The following WDR59 variants were observed in gnomAD, a reference collection of about 807,000 sequenced individuals.
The protein encoded by WDR59 is WD repeat domain 59.
Under a neutral mutation model 131.2 loss-of-function variants are expected in WDR59, and 100 were observed. The observed-to-expected ratio is 0.76, with a 90% confidence interval of 0.65 to 0.90. The LOEUF (loss-of-function observed/expected upper bound fraction) is 0.90, where lower values mean the gene tolerates loss of function less well. Among genes scored for constraint, WDR59 ranks in the 40% least tolerant of loss-of-function variants. The pLI is 0.00. For missense variants in WDR59, 1,203 were observed against 1,262.2 expected, an observed-to-expected ratio of 0.95 and a Z score of 0.71; for synonymous variants, 601 against 466.2, an observed-to-expected ratio of 1.29 and a Z score of -3.72.
At chr16:74,888,918 T>C (rs767436212) in intron 21 of WDR59, among the ~76,000 whole-genome samples, 10 of 152,250 alleles carry the variant, frequency 6.6e-5, no homozygotes, top group Admixed American at 1.3e-4. Flanking sequence ...GAGTAAGGAA[T>C]CAGAGGGGCT....
chr16:74,886,646 G>A (rs916359346), intron 23 of WDR59, among the ~76,000 whole-genome samples: 4 of 152,196 alleles, frequency 2.6e-5, no homozygotes, highest in East Asian at 1.9e-4. Context: ...TGGGCTGGGC[G>A]TTGTGGCTCA....
At chr16:74,938,559 C>T (rs548328496) in intron 7 of WDR59, among the ~76,000 whole-genome samples, 3 of 152,140 alleles carry the variant, frequency 2.0e-5, no homozygotes, top group South Asian at 2.1e-4. Context: ...TTTTTTGAGA[C>T]GAAGTCTTGC....
rs557204733 is a variant in WDR59, at chr16:74,907,090, T to C, written c.1712+1818A>G. Among the ~76,000 whole-genome samples the C allele has an allele frequency of 1.8e-4, 28 of 152,268 alleles. 1 individual carries two copies. The South Asian group carries it at 3.7e-3, about 20-fold the overall frequency. On this transcript the variant is annotated intron_variant, in intron 17 of 25. Coordinates refer to ENST00000262144, the MANE Select transcript of WDR59 (RefSeq NM_030581.4). Reference sequence around the variant, plus strand: ...CTCCAATAAGGAATCGGGTGTAATGTAGGTGTTCCCTAGTACTGAACCCCA... The same window carrying C: ...CTCCAATAAGGAATCGGGTGTAATGCAGGTGTTCCCTAGTACTGAACCCCA...
intron 1 of WDR59, among the ~76,000 whole-genome samples, chr16:74,967,795 G>A (rs1177908371): frequency 6.7e-6 from 1 of 150,354 alleles, no homozygotes; most frequent in South Asian, 2.1e-4. Context: ...GGAAGCAGAG[G>A]TTGCAGTGAG....
chr16:74,897,622 A>G (rs1597663389), intron 18 of WDR59, among the ~76,000 whole-genome samples: 1 of 152,286 alleles, frequency 6.6e-6, no homozygotes, highest in African/African-American at 2.4e-5. Context: ...ATGAAACCTC[A>G]CTCAGCTGCC....
chr16:74,976,037 C>T (rs985483604), intron 1 of WDR59, among the ~76,000 whole-genome samples: 2 of 152,092 alleles, frequency 1.3e-5, no homozygotes, highest in South Asian at 2.1e-4. Flanking sequence ...AAATATTTCA[C>T]AGTATACATA....
chr16:74,907,506 A>G (rs1010211713), intron 17 of WDR59, among the ~76,000 whole-genome samples: 4 of 152,042 alleles, frequency 2.6e-5, no homozygotes, highest in Admixed American at 2.0e-4. Context: ...TCCTTCCAAC[A>G]CGATTTTAAG....
intron 3 of WDR59, 60 bp from the exon 4 acceptor site, chr16:74,951,603 A>G (rs1162800136): frequency 3.7e-5 from 54 of 1,459,374 alleles, no homozygotes; most frequent in East Asian, 2.2e-4. Flanking sequence ...TCTTGCCCCA[A>G]TCAGCTTAAG....
chr16:74,938,067 C>T, intron 8 of WDR59, 83 bp downstream of exon 8: 1 of 958,240 alleles, frequency 1.0e-6, no homozygotes, highest in Non-Finnish European at 1.5e-6. Flanking sequence ...TAACACACTG[C>T]AGCTTTCCAA....
At chr16:74,966,632 A>G (rs2033788481) in intron 1 of WDR59, among the ~76,000 whole-genome samples, 1 of 152,130 alleles carries the variant, frequency 6.6e-6, no homozygotes, top group Admixed American at 6.6e-5. Context: ...CACACACCCA[A>G]GACACCCGTG....
At position 74,985,045 on chromosome 16, in the gene WDR59, G is replaced by C. The variant is rs1000849705; in HGVS notation, c.-28C>G. On this transcript the variant is annotated 5_prime_UTR_variant, in exon 1 of 26. Coordinates refer to ENST00000262144, the MANE Select transcript of WDR59 (RefSeq NM_030581.4). ...CCCCCGCCCGGCCGCCGCGGCCCCAGGACGGCGCCCTCCCACCCCGCCGTC... is the reference window on the plus strand; with the variant it reads ...CCCCCGCCCGGCCGCCGCGGCCCCACGACGGCGCCCTCCCACCCCGCCGTC... The C allele has an allele frequency of 6.4e-7, 1 of 1,555,296 alleles. No homozygotes were observed. The highest frequency in any genetic ancestry group is 8.7e-7 in the Non-Finnish European group (1 of 1,148,766).
chr16:74,909,078 G>C (rs552677291), intron 16 of WDR59, 101 bp from the exon 17 acceptor site: 1 of 997,322 alleles, frequency 1.0e-6, no homozygotes, highest in Non-Finnish European at 1.6e-6. Context: ...CTGTACACCT[G>C]AGGGTAAGAC....
chr16:74,981,658 A>ATTTTTTTTTTTTTTT (rs2034430352), intron 1 of WDR59, among the ~76,000 whole-genome samples: 2 of 75,522 alleles, frequency 2.6e-5, no homozygotes, highest in African/African-American at 1.6e-4. Flanking sequence ...ATATATATAT[A>ATTTTTTTTTTTTTTT]TATTTTTTTT....
At chr16:74,926,522 A>C (rs780644464) in intron 8 of WDR59, among the ~76,000 whole-genome samples, 3 of 152,208 alleles carry the variant, frequency 2.0e-5, no homozygotes, top group Non-Finnish European at 4.4e-5. Context: ...CAGTTTTGAT[A>C]ATGGCCTTTA....
chr16:74,952,988 C>T (rs1442865932), intron 3 of WDR59, among the ~76,000 whole-genome samples: 2 of 152,082 alleles, frequency 1.3e-5, no homozygotes, highest in Non-Finnish European at 2.9e-5. Flanking sequence ...TCTGGAGGGT[C>T]TGCTAGTGCC....
intron 17 of WDR59, among the ~76,000 whole-genome samples, chr16:74,907,053 G>T (rs551552717): frequency 1.3e-5 from 2 of 152,126 alleles, no homozygotes; most frequent in African/African-American, 4.8e-5. Context: ...GAGAATACAG[G>T]ACTGTTTTCT....
intron 24 of WDR59, chr16:74,886,041 G>C (rs141744937): frequency 4.6e-6 from 3 of 656,488 alleles, no homozygotes; most frequent in African/African-American, 3.7e-5. Flanking sequence ...AGCCAGTCAT[G>C]GTGGCGTGTG....
chr16:74,886,565 T>A, intron 23 of WDR59, 169 bp from the exon 24 acceptor site: 1 of 806,370 alleles, frequency 1.2e-6, no homozygotes, highest in Non-Finnish European at 1.8e-6. Flanking sequence ...TACCCTTGCC[T>A]TTTTGCGCAG....
At chr16:74,982,426 C>T (rs989443610) in intron 1 of WDR59, among the ~76,000 whole-genome samples, 7 of 152,122 alleles carry the variant, frequency 4.6e-5, no homozygotes, top group Non-Finnish European at 1.0e-4. Flanking sequence ...ACTGTGACAA[C>T]TGCTGTTGAG....
Sources: gnomAD v4.1 joint callset for allele counts (sites outside exome capture counted in the v4.1 genomes callset) on GRCh38, gnomAD v4.1.1 for gene constraint, MANE v1.5 for transcripts, NCBI Gene and HGNC (gene_info 2026-07-23, HGNC 2026-07-21) for gene names.